The following WWOX variants were observed in gnomAD, a reference collection of about 807,000 sequenced individuals.
The protein encoded by WWOX is WW domain-containing oxidoreductase.
WWOX carries 69 observed loss-of-function variants against 46.2 expected under a neutral mutation model. The ratio of observed to expected loss-of-function variants is 1.49; its 90% confidence interval spans 1.23 to 1.82. The LOEUF (loss-of-function observed/expected upper bound fraction) is 1.82. WWOX is among the 40% of genes most tolerant of loss of function. WWOX has a pLI of 0.00. For synonymous variants in WWOX, 359 were observed against 202.6 expected (o/e 1.77, Z -6.56); for missense variants, 919 against 542.6 (o/e 1.69, Z -6.89).
At chr16:78,529,189 A>G (rs757127861) in intron 8 of WWOX, among the ~76,000 whole-genome samples, 2 of 151,990 alleles carry the variant, frequency 1.3e-5, no homozygotes. Context: ...TCCTGGCCTC[A>G]AAGGATCCTC....
chr16:78,649,062 C>G (rs891502762), intron 8 of WWOX, among the ~76,000 whole-genome samples: 1 of 152,176 alleles, frequency 6.6e-6, no homozygotes, highest in African/African-American at 2.4e-5. Context: ...CAAACTCCAC[C>G]TCCCAGGTTC....
chr16:78,526,940 G>A (rs1029919680), intron 8 of WWOX, among the ~76,000 whole-genome samples: 12 of 152,160 alleles, frequency 7.9e-5, no homozygotes, highest in Non-Finnish European at 1.3e-4. Context: ...CGAGGCAGGT[G>A]GATCACCTGA....
At chr16:79,132,356 G>A (rs376776393) in intron 8 of WWOX, among the ~76,000 whole-genome samples, 87 of 152,274 alleles carry the variant, frequency 5.7e-4, no homozygotes, top group African/African-American at 1.9e-3. Context: ...CTTCCGGTTG[G>A]TGGATTTTGC....
chr16:78,724,934 G>T (rs1205895649), intron 8 of WWOX, among the ~76,000 whole-genome samples: 1 of 152,102 alleles, frequency 6.6e-6, no homozygotes, highest in East Asian at 1.9e-4. Context: ...TTCCAGGTAC[G>T]TAGCAGGTAT....
At chr16:78,946,245 C>G (rs1036583453) in intron 8 of WWOX, among the ~76,000 whole-genome samples, 1 of 152,130 alleles carries the variant, frequency 6.6e-6, no homozygotes, top group Admixed American at 6.5e-5. Flanking sequence ...GGATGGAGTA[C>G]AGCAGTGCAA....
chr16:79,096,615 C>T (rs1182375613), intron 8 of WWOX, among the ~76,000 whole-genome samples: 3 of 152,188 alleles, frequency 2.0e-5, no homozygotes, highest in Non-Finnish European at 4.4e-5. Context: ...ACCTCTGACC[C>T]CCTTCACCTG....
intron 4 of WWOX, chr16:78,119,205 A>G (rs2032967256): frequency 6.6e-6 from 1 of 152,262 alleles, no homozygotes; most frequent in South Asian, 2.1e-4. Flanking sequence ...TGGAGTTAGC[A>G]GCTTGTTGGC....
intron 8 of WWOX, among the ~76,000 whole-genome samples, chr16:78,983,248 G>T (rs181551883): frequency 6.6e-6 from 1 of 152,172 alleles, no homozygotes; most frequent in Non-Finnish European, 1.5e-5. Context: ...AAATGAATGG[G>T]AAAACCTAAG....
At chr16:78,934,533 A>T (rs1296683343) in intron 8 of WWOX, among the ~76,000 whole-genome samples, 2 of 143,430 alleles carry the variant, frequency 1.4e-5, no homozygotes, top group African/African-American at 2.6e-5. Context: ...AAAAAAAAAG[A>T]AACACAACTT....
intron 8 of WWOX, among the ~76,000 whole-genome samples, chr16:78,713,104 C>A (rs898799696): frequency 1.3e-5 from 2 of 151,646 alleles, no homozygotes; most frequent in East Asian, 3.9e-4. Flanking sequence ...ACCCTCATCT[C>A]TACACCGAAT....
intron 8 of WWOX, 31 bp downstream of exon 8, chr16:78,432,783 C>T (rs201682800): frequency 2.5e-6 from 4 of 1,613,820 alleles, no homozygotes; most frequent in East Asian, 2.2e-5. Context: ...GCCGCAAACA[C>T]CTTGGGTCCT....
At chr16:78,379,683 G>A (rs115542689) in intron 5 of WWOX, among the ~76,000 whole-genome samples, 4,293 of 152,228 alleles carry the variant, frequency 0.028, 113 homozygotes, top group East Asian at 0.12. Flanking sequence ...CAACTACTTG[G>A]GTTCACTATG....
Position 78,937,659 on chromosome 16 carries a change from C to A in WWOX, c.1057-273949C>A, listed in dbSNP as rs113090872. On this transcript the variant is annotated intron_variant, in intron 8 of 8. Transcript: ENST00000566780. ...TTTATTTATGAGACAAGGTCTCACT[C>A]TGTCTCCCAGGCTGGAGTGTAGTGG... Among the ~76,000 whole-genome samples, 575 of 151,596 alleles carry A rather than the reference C, an allele frequency of 3.8e-3. 9 individuals carry two copies. The highest frequency in any genetic ancestry group is 0.013 in the African/African-American group (530 of 41,284).
chr16:78,665,848 C>G (rs978397683), intron 8 of WWOX, among the ~76,000 whole-genome samples: 2 of 152,114 alleles, frequency 1.3e-5, no homozygotes, highest in African/African-American at 4.8e-5. Flanking sequence ...CCATGCCCGG[C>G]TAATTTTTGT....
At chr16:78,741,654 A>G (rs1322610985) in intron 8 of WWOX, among the ~76,000 whole-genome samples, 1 of 152,166 alleles carries the variant, frequency 6.6e-6, no homozygotes, top group Admixed American at 6.5e-5. Flanking sequence ...CAGGAGTTCA[A>G]GACCAGGCTG....
chr16:78,991,494 A>G (rs555011426), intron 8 of WWOX, among the ~76,000 whole-genome samples: 83 of 150,684 alleles, frequency 5.5e-4, no homozygotes, highest in African/African-American at 1.8e-3. Context: ...CCAGCTACTC[A>G]GGAGGCTGAG....
intron 8 of WWOX, among the ~76,000 whole-genome samples, chr16:78,843,979 A>G (rs893488902): frequency 6.6e-6 from 1 of 152,166 alleles, no homozygotes; most frequent in African/African-American, 2.4e-5. Flanking sequence ...AATTAGGCAA[A>G]ACCCAGATGA....
chr16:78,369,237 C>T (rs1324648583), intron 5 of WWOX, among the ~76,000 whole-genome samples: 2 of 152,114 alleles, frequency 1.3e-5, no homozygotes, highest in African/African-American at 4.8e-5. Context: ...GATTTCTCCT[C>T]TGTCACAGTA....
chr16:78,249,954 A>G (rs2037937353), intron 5 of WWOX, among the ~76,000 whole-genome samples: 1 of 152,170 alleles, frequency 6.6e-6, no homozygotes, highest in Non-Finnish European at 1.5e-5. Context: ...TGCAGTAATC[A>G]GAGGGCTGAG....
Sources: gnomAD v4.1 joint callset for allele counts (sites outside exome capture counted in the v4.1 genomes callset) on GRCh38, gnomAD v4.1.1 for gene constraint, MANE v1.5 for transcripts, NCBI Gene and HGNC (gene_info 2026-07-23, HGNC 2026-07-21) for gene names.